The following ATXN1 variants were observed in gnomAD, a reference collection of about 807,000 sequenced individuals.
ATXN1 encodes ataxin-1.
ATXN1 carries 8 observed loss-of-function variants against 56.4 expected under a neutral mutation model. That is an observed-to-expected ratio of 0.14 (90% confidence interval 0.08 to 0.26). The LOEUF (loss-of-function observed/expected upper bound fraction) is 0.26, where lower values mean the gene tolerates loss of function less well. Ranked by LOEUF, ATXN1 falls within the 10% of genes least tolerant of loss-of-function variation. The pLI is 1.00. For synonymous variants in ATXN1, 514 were observed against 494.6 expected (o/e 1.04, Z -0.52); for missense variants, 987 against 1,106.5 (o/e 0.89, Z 1.53).
chr6:16,514,983 AAATAAT>A (rs571110951), intron 5 of ATXN1, among the ~76,000 whole-genome samples: 4 of 151,034 alleles, frequency 2.6e-5, no homozygotes, highest in East Asian at 3.9e-4. Flanking sequence ...CTCTGTCTCA[AAATAAT>A]AATAATAATA....
intron 4 of ATXN1, among the ~76,000 whole-genome samples, chr6:16,526,406 T>A (rs759864397): frequency 3.3e-5 from 5 of 152,042 alleles, no homozygotes; most frequent in Non-Finnish European, 5.9e-5. Context: ...TTGGTTTGAG[T>A]GGGTGTAGCA....
chr6:16,730,487 G>GTATATATATA (rs4052880), intron 2 of ATXN1, among the ~76,000 whole-genome samples: 262 of 132,054 alleles, frequency 2.0e-3, no homozygotes, highest in East Asian at 0.014. Context: ...AAAACAGTAT[G>GTATATATATA]TATATATATA....
At chr6:16,364,786 G>A (rs1355478608) in intron 6 of ATXN1, among the ~76,000 whole-genome samples, 1 of 142,562 alleles carries the variant, frequency 7.0e-6, no homozygotes, top group Non-Finnish European at 1.5e-5. Context: ...AAACTGTTCA[G>A]GGATCCACTC....
intron 4 of ATXN1, among the ~76,000 whole-genome samples, chr6:16,579,211 A>G (rs1367901136): frequency 1.3e-5 from 2 of 152,120 alleles, no homozygotes; most frequent in Non-Finnish European, 2.9e-5. Flanking sequence ...TTTATTGTCT[A>G]TCCTGGAGAA....
At chr6:16,350,217 G>C (rs1217273491) in intron 6 of ATXN1, among the ~76,000 whole-genome samples, 1 of 152,236 alleles carries the variant, frequency 6.6e-6, no homozygotes, top group African/African-American at 2.4e-5. Context: ...GGACGTGGAA[G>C]ATGCAGTTAA....
chr6:16,671,085 C>T (rs1202104850), intron 2 of ATXN1, among the ~76,000 whole-genome samples: 1 of 146,894 alleles, frequency 6.8e-6, no homozygotes, highest in African/African-American at 2.5e-5. Flanking sequence ...CAAAGTTTTA[C>T]ATTTCTAAAC....
intron 6 of ATXN1, among the ~76,000 whole-genome samples, chr6:16,470,548 C>A (rs1362599463): frequency 6.6e-6 from 1 of 152,078 alleles, no homozygotes; most frequent in Non-Finnish European, 1.5e-5. Context: ...AACTTACATG[C>A]AAAGTTATCT....
At chr6:16,333,897 C>T (rs1187267178) in intron 6 of ATXN1, among the ~76,000 whole-genome samples, 6 of 152,064 alleles carry the variant, frequency 3.9e-5, no homozygotes, top group East Asian at 1.9e-4. Flanking sequence ...GGTCCAAACC[C>T]GACATGCTTG....
chr6:16,735,665 G>C (rs551341754), intron 2 of ATXN1, among the ~76,000 whole-genome samples: 39 of 152,166 alleles, frequency 2.6e-4, no homozygotes, highest in African/African-American at 8.9e-4. Flanking sequence ...CTCACCTGTA[G>C]GTGTACTCAG....
chr6:16,349,115 C>G (rs957090571), intron 6 of ATXN1, among the ~76,000 whole-genome samples: 2 of 152,190 alleles, frequency 1.3e-5, no homozygotes, highest in Admixed American at 1.3e-4. Context: ...TACTCAAGAC[C>G]TACAATTACT....
At chr6:16,534,685 C>T (rs149621749) in intron 4 of ATXN1, among the ~76,000 whole-genome samples, 1 of 152,262 alleles carries the variant, frequency 6.6e-6, no homozygotes, top group East Asian at 1.9e-4. Flanking sequence ...ATCAGTAAAC[C>T]CTACTTCCTA....
intron 6 of ATXN1, among the ~76,000 whole-genome samples, chr6:16,334,438 TA>T (rs1016646213): frequency 2.0e-5 from 3 of 151,748 alleles, no homozygotes; most frequent in African/African-American, 4.8e-5. Context: ...TAACCTTCAT[TA>T]AAAAAAATAT....
chr6:16,582,203 T>C (rs1310281881), intron 4 of ATXN1, among the ~76,000 whole-genome samples: 1 of 152,192 alleles, frequency 6.6e-6, no homozygotes, highest in African/African-American at 2.4e-5. Context: ...GTTTCCAATT[T>C]CAGATGCACC....
intron 6 of ATXN1, among the ~76,000 whole-genome samples, chr6:16,418,377 T>C (rs1296270950): frequency 1.3e-5 from 2 of 152,178 alleles, no homozygotes; most frequent in African/African-American, 2.4e-5. Context: ...ACTTCTTTCC[T>C]TAAGCACATC....
intron 2 of ATXN1, among the ~76,000 whole-genome samples, chr6:16,680,725 TAAAC>T (rs1250866025): frequency 2.0e-5 from 3 of 152,090 alleles, no homozygotes; most frequent in African/African-American, 4.8e-5. Flanking sequence ...ACATAATTCT[TAAAC>T]AACCAGAAAA....
At chr6:16,504,821 G>A (rs1760951019) in intron 5 of ATXN1, among the ~76,000 whole-genome samples, 1 of 152,034 alleles carries the variant, frequency 6.6e-6, no homozygotes, top group Admixed American at 6.5e-5. Flanking sequence ...TGTTCCTGAC[G>A]TGCTTCCTGC....
chr6:16,457,611 GC>G (rs1353603656), intron 6 of ATXN1, among the ~76,000 whole-genome samples: 2 of 152,110 alleles, frequency 1.3e-5, no homozygotes, highest in Non-Finnish European at 2.9e-5. Flanking sequence ...ACACTATTCT[GC>G]AGGTTGACCT....
intron 4 of ATXN1, among the ~76,000 whole-genome samples, chr6:16,559,865 A>AT (rs1172159741): frequency 2.0e-5 from 3 of 152,104 alleles, no homozygotes; most frequent in African/African-American, 7.2e-5. Flanking sequence ...AATAAAAAAA[A>AT]AATAAAGTTT....
intron 6 of ATXN1, among the ~76,000 whole-genome samples, chr6:16,411,157 A>T (rs1258962774): frequency 6.6e-6 from 1 of 151,482 alleles, no homozygotes; most frequent in Non-Finnish European, 1.5e-5. Flanking sequence ...AAAAGAAAAG[A>T]AAAGAAAAAG....
Sources: gnomAD v4.1 joint callset for allele counts (sites outside exome capture counted in the v4.1 genomes callset) on GRCh38, gnomAD v4.1.1 for gene constraint, MANE v1.5 for transcripts, NCBI Gene and HGNC (gene_info 2026-07-23, HGNC 2026-07-21) for gene names.